Variants in WASF1 observed in about 807,000 individuals in gnomAD.
WASF1 encodes the protein actin-binding protein WASF1.
Under a neutral mutation model 50.5 loss-of-function variants are expected in WASF1, and 7 were observed. The observed-to-expected ratio is 0.14, with a 90% CI of 0.08 to 0.26. The LOEUF is 0.26. Ranked by LOEUF, WASF1 falls within the 10% of genes least tolerant of loss-of-function variation. The probability of loss-of-function intolerance (pLI) is 1.00; values close to 1 mark genes in which losing one functional copy is unlikely to be tolerated. For synonymous variants in WASF1, 205 were observed against 244.0 expected, an observed-to-expected ratio of 0.84 and a Z score of 1.49; for missense variants, 470 against 694.7, an observed-to-expected ratio of 0.68 and a Z score of 3.64.
chr6:110,162,442 C>T (rs1435367262), intron 2 of WASF1, among the ~76,000 whole-genome samples: 1 of 68,616 alleles, frequency 1.5e-5, no homozygotes, highest in Non-Finnish European at 3.2e-5. Context: ...AAAGACAAGG[C>T]AAAAAAAAAA....
Position 110,161,311 on chromosome 6 carries a change from A to G in WASF1, c.-126-579T>C, listed in dbSNP as rs566985697. On this transcript the variant is annotated intron_variant, in intron 2 of 10. Coordinates refer to ENST00000392589, the MANE Select transcript of WASF1 (RefSeq NM_003931.3). ...ATCACCATCTTATTTAGAAGAAAACATATGTTCTTAGGAGGGAGGAACTAA... is the reference window on the plus strand; with the variant it reads ...ATCACCATCTTATTTAGAAGAAAACGTATGTTCTTAGGAGGGAGGAACTAA... Among the ~76,000 whole-genome samples the G allele has an allele frequency of 3.3e-5, 5 of 151,726 alleles. No homozygotes were observed. In the South Asian group the frequency reaches 1.0e-3, roughly 31 times the overall value.
At chr6:110,153,452 G>T (rs1486580332) in intron 3 of WASF1, among the ~76,000 whole-genome samples, 1 of 152,072 alleles carries the variant, frequency 6.6e-6, no homozygotes, top group Non-Finnish European at 1.5e-5. Flanking sequence ...TTTAATAAGA[G>T]CCCTAATATT....
intron 3 of WASF1, among the ~76,000 whole-genome samples, chr6:110,143,806 T>C (rs1400468570): frequency 6.6e-6 from 1 of 152,226 alleles, no homozygotes; most frequent in Non-Finnish European, 1.5e-5. Flanking sequence ...TTCAGTATTT[T>C]TAAAATGACA....
rs5879060 is a variant in WASF1, at chr6:110,142,952, T to TAAAAAAAAAAAAAAAAAAAA, written c.-28-15343_-28-15324dup. Among the ~76,000 whole-genome samples the TAAAAAAAAAAAAAAAAAAAA allele has an allele frequency of 7.4e-4, 88 of 119,078 alleles. 4 individuals are homozygous for TAAAAAAAAAAAAAAAAAAAA. Among genetic ancestry groups the TAAAAAAAAAAAAAAAAAAAA allele is most frequent in the East Asian group, 6.9e-3 (27 of 3,896 alleles). 78.1% of individuals were successfully genotyped at this position (119,078 alleles called of 152,430 possible). The stretch of plus-strand genomic sequence containing the variant: ...AAAGTAATTTGGTTTCCCAATGATG[T>TAAAAAAAAAAAAAAAAAAAA]AAAAAAAAAAAAAAAAAAAAACTAA... On this transcript the variant is annotated intron_variant, in intron 3 of 10. Transcript: ENST00000392589.
intron 7 of WASF1, among the ~76,000 whole-genome samples, chr6:110,106,112 G>T (rs938936830): frequency 7.2e-5 from 11 of 152,180 alleles, no homozygotes; most frequent in African/African-American, 2.4e-4. Flanking sequence ...CAAAACTGGG[G>T]GAGAAAGTAC....
chr6:110,105,287 C>A, intron 8 of WASF1, 120 bp downstream of exon 8: 1 of 1,083,306 alleles, frequency 9.2e-7, no homozygotes. Flanking sequence ...TTGAAATAAT[C>A]TCTATATTTA....
chr6:110,148,639 A>C (rs1014480514), intron 3 of WASF1, among the ~76,000 whole-genome samples: 4 of 152,036 alleles, frequency 2.6e-5, no homozygotes, highest in African/African-American at 9.7e-5. Flanking sequence ...CATATTGACG[A>C]TTTTCTATGT....
At chr6:110,118,811 A>C (rs1370486659) in intron 4 of WASF1, among the ~76,000 whole-genome samples, 4 of 152,200 alleles carry the variant, frequency 2.6e-5, no homozygotes, top group Admixed American at 6.5e-5. Flanking sequence ...CTCCTCAGCA[A>C]ATGTAAAAGA....
chr6:110,163,293 T>A (rs780257219), intron 2 of WASF1, among the ~76,000 whole-genome samples: 5 of 151,622 alleles, frequency 3.3e-5, no homozygotes, highest in Admixed American at 6.6e-5. Context: ...TATAATGAAG[T>A]ACCACAGAAT....
chr6:110,143,590 C>A (rs1452147036), intron 3 of WASF1, among the ~76,000 whole-genome samples: 1 of 152,006 alleles, frequency 6.6e-6, no homozygotes, highest in South Asian at 2.1e-4. Flanking sequence ...GTTTAAAGGA[C>A]TCCTTGTAGT....
intron 3 of WASF1, among the ~76,000 whole-genome samples, chr6:110,154,167 C>T (rs1165085808): frequency 6.6e-6 from 1 of 152,230 alleles, no homozygotes; most frequent in South Asian, 2.1e-4. Context: ...AGACTTAAGT[C>T]TCTTTTCTCT....
chr6:110,165,922 C>A (rs1306780479), intron 2 of WASF1, among the ~76,000 whole-genome samples: 1 of 151,588 alleles, frequency 6.6e-6, no homozygotes, highest in Non-Finnish European at 1.5e-5. Flanking sequence ...ATGTTCCTGG[C>A]AAGATGCATG....
At chr6:110,135,306 T>C (rs1344067223) in intron 3 of WASF1, among the ~76,000 whole-genome samples, 2 of 149,486 alleles carry the variant, frequency 1.3e-5, no homozygotes, top group African/African-American at 4.8e-5. Context: ...GATCATTTCA[T>C]TGGTGAACAG....
At chr6:110,124,234 T>TCTCTCCCC (rs1562170279) in intron 4 of WASF1, among the ~76,000 whole-genome samples, 1 of 17,756 alleles carries the variant, frequency 5.6e-5, no homozygotes, top group Non-Finnish European at 9.1e-5. Context: ...CTCCTCTCTC[T>TCTCTCCCC]CCTCTCTCTC....
chr6:110,123,222 A>C (rs1448482837), intron 4 of WASF1, among the ~76,000 whole-genome samples: 1 of 152,182 alleles, frequency 6.6e-6, no homozygotes, highest in Non-Finnish European at 1.5e-5. Flanking sequence ...TTTTAGGCCA[A>C]GTAGCAGAAC....
chr6:110,116,409 G>A (rs887933268), intron 4 of WASF1, among the ~76,000 whole-genome samples: 15 of 152,124 alleles, frequency 9.9e-5, no homozygotes, highest in African/African-American at 3.6e-4. Flanking sequence ...CGGGTCCCAC[G>A]CCCACAGAGC....
intron 2 of WASF1, among the ~76,000 whole-genome samples, chr6:110,162,023 G>A (rs1161283320): frequency 3.3e-5 from 5 of 151,432 alleles, no homozygotes; most frequent in South Asian, 2.1e-4. Context: ...CGTACGAGTC[G>A]TAAAATTCAG....
At chr6:110,151,695 C>G (rs962885528) in intron 3 of WASF1, among the ~76,000 whole-genome samples, 7 of 152,120 alleles carry the variant, frequency 4.6e-5, no homozygotes, top group Non-Finnish European at 8.8e-5. Context: ...AAAAAACTTA[C>G]AAAATCACCT....
At chr6:110,136,929 TTC>T (rs1159891504) in intron 3 of WASF1, among the ~76,000 whole-genome samples, 1 of 152,218 alleles carries the variant, frequency 6.6e-6, no homozygotes, top group Non-Finnish European at 1.5e-5. Context: ...TGTTAAAATT[TTC>T]TCACATCAAC....
Sources: allele counts gnomAD v4.1 joint callset (sites outside exome capture counted in the v4.1 genomes callset), GRCh38; gene constraint gnomAD v4.1.1; transcripts MANE v1.5; gene names NCBI Gene and HGNC (gene_info 2026-07-23, HGNC 2026-07-21).